The following GABRB1 variants were observed in gnomAD, a reference collection of about 807,000 sequenced individuals.
GABRB1 encodes the protein gamma-aminobutyric acid type A receptor subunit beta1.
A neutral mutation model predicts 51.6 loss-of-function variants in GABRB1; 17 were observed. The observed-to-expected ratio is 0.33, with a 90% CI of 0.23 to 0.49. The LOEUF is 0.49. Among genes scored for constraint, GABRB1 ranks in the 20% least tolerant of loss-of-function variants. GABRB1 has a pLI of 0.99. For synonymous variants in GABRB1, 247 were observed against 218.9 expected (o/e 1.13, Z -1.14); for missense variants, 410 against 600.6 (o/e 0.68, Z 3.32).
At chr4:47,042,608 T>C (rs1013146924) in intron 3 of GABRB1, among the ~76,000 whole-genome samples, 2 of 151,080 alleles carry the variant, frequency 1.3e-5, no homozygotes, top group African/African-American at 4.9e-5. Flanking sequence ...AAAGAATAAT[T>C]TGATTGAGTA....
chr4:47,224,277 T>G (rs1720870483), intron 4 of GABRB1, among the ~76,000 whole-genome samples: 2 of 152,118 alleles, frequency 1.3e-5, no homozygotes, highest in African/African-American at 2.4e-5. Context: ...TACAGGTGAC[T>G]CCTATGTTTA....
intron 5 of GABRB1, among the ~76,000 whole-genome samples, chr4:47,323,629 G>A (rs1725157666): frequency 6.6e-6 from 1 of 152,196 alleles, no homozygotes; most frequent in South Asian, 2.1e-4. Context: ...TCCCACTGAT[G>A]TAAGATTGAA....
chr4:47,342,395 C>CA (rs5858064), intron 5 of GABRB1, among the ~76,000 whole-genome samples: 56,697 of 151,558 alleles, frequency 0.37, 10,729 homozygotes, highest in South Asian at 0.47. Flanking sequence ...AGGCACCCCA[C>CA]AAAAAAATAC....
chr4:47,400,526 G>GTCTCTCTCTCTCTCTCTC (rs56896606), intron 5 of GABRB1, among the ~76,000 whole-genome samples: 226 of 117,946 alleles, frequency 1.9e-3, no homozygotes, highest in Middle Eastern at 5.2e-3. Flanking sequence ...CCAGGAGGTA[G>GTCTCTCTCTCTCTCTCTC]TCTCTCTCTC....
intron 3 of GABRB1, among the ~76,000 whole-genome samples, chr4:47,116,229 T>C (rs1401043695): frequency 1.3e-5 from 2 of 152,236 alleles, no homozygotes; most frequent in Non-Finnish European, 2.9e-5. Context: ...TTTGTGTTTT[T>C]TTTTCCTAGG....
At chr4:47,389,126 C>G (rs1272701425) in intron 5 of GABRB1, among the ~76,000 whole-genome samples, 1 of 152,188 alleles carries the variant, frequency 6.6e-6, no homozygotes, top group Non-Finnish European at 1.5e-5. Context: ...GAAGTCACAT[C>G]AAGTAATTTA....
At chr4:47,407,500 T>A (rs547529258) in intron 8 of GABRB1, among the ~76,000 whole-genome samples, 1 of 152,356 alleles carries the variant, frequency 6.6e-6, no homozygotes, top group African/African-American at 2.4e-5. Flanking sequence ...TCTCATTGGA[T>A]GGAATTAAAT....
At chr4:47,229,655 C>T (rs1054880839) in intron 4 of GABRB1, among the ~76,000 whole-genome samples, 14 of 151,944 alleles carry the variant, frequency 9.2e-5, no homozygotes, top group South Asian at 4.1e-4. Context: ...AATGATTCTT[C>T]GAGTTTATCC....
Position 47,107,629 on chromosome 4 carries a change from T to A in GABRB1, c.241-53620T>A, listed in dbSNP as rs190869667. The stretch of plus-strand genomic sequence containing the variant: ...CCAATAATATCAACTCCTTAAAGGT[T>A]GTTGTAGGAATAAAGTTAGTTGACA... On this transcript the variant is annotated intron_variant, in intron 3 of 8. Transcript: ENST00000295454. Among the ~76,000 whole-genome samples, 1,122 of 152,180 alleles carry A rather than the reference T, an allele frequency of 7.4e-3. 10 individuals carry two copies. Among genetic ancestry groups the A allele is most frequent in the African/African-American group, 0.025 (1,057 of 41,548 alleles).
At chr4:47,365,180 CAAA>C (rs1726933501) in intron 5 of GABRB1, among the ~76,000 whole-genome samples, 1 of 152,178 alleles carries the variant, frequency 6.6e-6, no homozygotes, top group African/African-American at 2.4e-5. Context: ...GAATAGAAAA[CAAA>C]ATACAATTTC....
intron 3 of GABRB1, among the ~76,000 whole-genome samples, chr4:47,137,962 G>A (rs1053965352): frequency 5.3e-5 from 8 of 152,230 alleles, no homozygotes; most frequent in African/African-American, 1.4e-4. Context: ...GTATACCCAT[G>A]TAATTGTGAT....
intron 3 of GABRB1, among the ~76,000 whole-genome samples, chr4:47,132,160 A>G (rs899265305): frequency 6.6e-6 from 1 of 152,220 alleles, no homozygotes; most frequent in Non-Finnish European, 1.5e-5. Flanking sequence ...AGAAAGCGTC[A>G]TTCAGATTGA....
intron 3 of GABRB1, among the ~76,000 whole-genome samples, chr4:47,092,329 C>A (rs1005096895): frequency 1.3e-5 from 2 of 151,346 alleles, no homozygotes; most frequent in Non-Finnish European, 2.9e-5. Flanking sequence ...CACACCACCA[C>A]GCCTGGACAA....
intron 5 of GABRB1, among the ~76,000 whole-genome samples, chr4:47,346,047 C>CAAA (rs10672251): frequency 0.28 from 39,904 of 142,624 alleles, 5,643 homozygotes; most frequent in Middle Eastern, 0.42. Context: ...TTGAAAATGG[C>CAAA]AAAAAAAAAA....
At chr4:47,264,556 A>C (rs1299972903) in intron 4 of GABRB1, among the ~76,000 whole-genome samples, 1 of 152,266 alleles carries the variant, frequency 6.6e-6, no homozygotes, top group Non-Finnish European at 1.5e-5. Context: ...CTTCACAGTT[A>C]ATAGCATATA....
At chr4:47,286,356 T>C (rs1270032478) in intron 4 of GABRB1, among the ~76,000 whole-genome samples, 5 of 152,212 alleles carry the variant, frequency 3.3e-5, no homozygotes, top group African/African-American at 1.2e-4. Flanking sequence ...TATTTTAATA[T>C]TTTATATAAG....
intron 1 of GABRB1, among the ~76,000 whole-genome samples, chr4:47,007,223 T>G (rs1272916774): frequency 1.3e-5 from 2 of 152,150 alleles, no homozygotes; most frequent in Non-Finnish European, 2.9e-5. Context: ...TACACATCAT[T>G]TGTCATTATA....
intron 4 of GABRB1, among the ~76,000 whole-genome samples, chr4:47,301,484 T>A (rs1304760650): frequency 2.6e-5 from 4 of 151,614 alleles, no homozygotes; most frequent in Non-Finnish European, 5.9e-5. Flanking sequence ...CAATAAAAAA[T>A]TTAGCCAGGC....
chr4:47,178,084 A>G (rs995568563), intron 4 of GABRB1, among the ~76,000 whole-genome samples: 15 of 152,082 alleles, frequency 9.9e-5, no homozygotes, highest in Admixed American at 6.6e-4. Flanking sequence ...CCAATATGTC[A>G]GTTATATGAC....
Sources: allele counts gnomAD v4.1 joint callset (sites outside exome capture counted in the v4.1 genomes callset), GRCh38; gene constraint gnomAD v4.1.1; transcripts MANE v1.5; gene names NCBI Gene and HGNC (gene_info 2026-07-23, HGNC 2026-07-21).